The following RNF216 variants were observed in gnomAD, a reference collection of about 807,000 sequenced individuals.
RNF216 encodes E3 ubiquitin-protein ligase RNF216.
Under a neutral mutation model 110.8 loss-of-function variants are expected in RNF216, and 72 were observed. The ratio of observed to expected loss-of-function variants is 0.65; its 90% CI spans 0.54 to 0.79. The LOEUF (loss-of-function observed/expected upper bound fraction) is 0.79, where lower values mean the gene tolerates loss of function less well. RNF216 is among the 30% of genes least tolerant of loss of function. The pLI, the probability that RNF216 is intolerant of heterozygous loss-of-function variation, is 0.00. For missense variants in RNF216, 1,342 were observed against 1,141.2 expected (o/e 1.18, Z -2.54); for synonymous variants, 495 against 407.5 (o/e 1.21, Z -2.59).
intron 13 of RNF216, among the ~76,000 whole-genome samples, chr7:5,687,770 T>C (rs1193124875): frequency 2.0e-5 from 3 of 152,172 alleles, no homozygotes; most frequent in Non-Finnish European, 4.4e-5. Context: ...CCACTAGCAT[T>C]TCCAAGGACC....
At chr7:5,623,379 G>A (rs1786510791) in intron 16 of RNF216, among the ~76,000 whole-genome samples, 200 bp from the exon 17 acceptor site, 1 of 151,994 alleles carries the variant, frequency 6.6e-6, no homozygotes. Context: ...CTCCACAGTG[G>A]CACCTTGGAA....
chr7:5,754,423 A>G (rs1388209838), intron 2 of RNF216, among the ~76,000 whole-genome samples: 2 of 152,002 alleles, frequency 1.3e-5, no homozygotes, highest in East Asian at 3.9e-4. Flanking sequence ...CGGCCTCCCA[A>G]GAAGTCACTG....
At chr7:5,777,142 T>A (rs1796830864) in intron 1 of RNF216, among the ~76,000 whole-genome samples, 1 of 148,662 alleles carries the variant, frequency 6.7e-6, no homozygotes, top group Non-Finnish European at 1.5e-5. Context: ...CTTCCAGCAG[T>A]CTTTGACAAG....
At chr7:5,636,726 G>A (rs909663812) in intron 15 of RNF216, among the ~76,000 whole-genome samples, 3 of 152,204 alleles carry the variant, frequency 2.0e-5, no homozygotes, top group East Asian at 1.9e-4. Flanking sequence ...CAGAATCTCC[G>A]GCTGTGGCTA....
intron 16 of RNF216, among the ~76,000 whole-genome samples, chr7:5,623,465 CTTT>C (rs34566454): frequency 4.9e-5 from 7 of 142,170 alleles, no homozygotes; most frequent in African/African-American, 7.7e-5. Context: ...GACTCAGTTA[CTTT>C]TTTTTTTTTT....
chr7:5,646,121 T>C (rs986495315), intron 14 of RNF216, among the ~76,000 whole-genome samples: 4 of 152,204 alleles, frequency 2.6e-5, no homozygotes, highest in Admixed American at 6.5e-5. Flanking sequence ...TGTTGAAAAC[T>C]GGGTGTTTTG....
At chr7:5,735,317 T>C (rs1401097910) in intron 5 of RNF216, among the ~76,000 whole-genome samples, 1 of 151,920 alleles carries the variant, frequency 6.6e-6, no homozygotes, top group Non-Finnish European at 1.5e-5. Flanking sequence ...GAGTCAAATT[T>C]AGAAAATACA....
At chr7:5,653,550 G>C (rs1045869260) in intron 13 of RNF216, among the ~76,000 whole-genome samples, 2 of 130,516 alleles carry the variant, frequency 1.5e-5, no homozygotes, top group Non-Finnish European at 3.1e-5. Flanking sequence ...GCAGTGAGCC[G>C]AGATCGCGCC....
intron 16 of RNF216, 108 bp from the exon 17 acceptor site, chr7:5,623,287 T>C: frequency 2.1e-6 from 2 of 975,208 alleles, no homozygotes; most frequent in Non-Finnish European, 1.5e-6. Flanking sequence ...CTCCACATGC[T>C]GATCAAAGCA....
At chr7:5,736,768 T>A (rs2112007) in intron 5 of RNF216, among the ~76,000 whole-genome samples, 1 of 151,908 alleles carries the variant, frequency 6.6e-6, no homozygotes, top group Non-Finnish European at 1.5e-5. Flanking sequence ...TCTGCCAGGC[T>A]GCGACCCCAT....
At chr7:5,731,914 CATTG>C (rs975053496) in intron 5 of RNF216, among the ~76,000 whole-genome samples, 13 of 145,120 alleles carry the variant, frequency 9.0e-5, no homozygotes, top group Admixed American at 3.3e-4. Flanking sequence ...TGGAGAGGTT[CATTG>C]ATTCTGCAGC....
chr7:5,684,226 C>T (rs910503976), intron 13 of RNF216, among the ~76,000 whole-genome samples: 14 of 151,548 alleles, frequency 9.2e-5, no homozygotes, highest in African/African-American at 2.2e-4. Flanking sequence ...CCTCAGCCTC[C>T]GGAGTAGTTA....
chr7:5,665,037 A>C (rs983246702), intron 13 of RNF216, among the ~76,000 whole-genome samples: 11 of 152,072 alleles, frequency 7.2e-5, no homozygotes, highest in Admixed American at 7.2e-4. Context: ...ACCTCAGGTG[A>C]TCTGCCCGCC....
intron 15 of RNF216, among the ~76,000 whole-genome samples, chr7:5,633,743 G>A (rs888916220): frequency 1.3e-5 from 2 of 152,186 alleles, no homozygotes; most frequent in African/African-American, 2.4e-5. Context: ...ATGCAGGTAG[G>A]GTGGGTGGGA....
At position 5,622,789 on chromosome 7, in the gene RNF216, T is replaced by G; in HGVS notation, c.*71A>C. The G allele has an allele frequency of 1.4e-6, 2 of 1,427,570 alleles. No individual in the cohort carries two copies. The highest frequency in any genetic ancestry group is 1.9e-6 in the Non-Finnish European group (2 of 1,047,450). The allele number at this position is 1,427,570 out of a possible 1,614,324, so 88.4% of individuals were successfully genotyped here. A position where few individuals can be genotyped will look rare whatever the true frequency, so the allele number is the denominator to read the frequency against. ...GATGCAATGGTACAGACACCAGCCT[T>G]GGGGGAGGGTTCTCCATCCACACTC... On this transcript the variant is annotated 3_prime_UTR_variant, in exon 17 of 17. Transcript: ENST00000389902.
At chr7:5,688,453 AAAG>A (rs762250191) in intron 13 of RNF216, among the ~76,000 whole-genome samples, 49 of 152,362 alleles carry the variant, frequency 3.2e-4, no homozygotes, top group East Asian at 9.6e-4. Flanking sequence ...ACACTAGTGA[AAAG>A]AAGAACACAT....
At position 5,741,400 on chromosome 7, in the gene RNF216, G is replaced by T; in HGVS notation, c.617C>A (p.Thr206Lys). ...TQNQSSEDSE[T>K]ELLSNLGESA... ...CTCTCCTAGATTTGATAACAGCTCT[G>T]TCTCTGAGTCTTCGGATGACTGGTT... is the stretch of plus-strand genomic sequence containing the variant. The change falls in exon 4 of 17, where the codon ACA becomes AAA. Residue 206 changes from threonine (T) to lysine (K), a missense_variant. Physicochemically the swap from Thr to Lys is moderately conservative, Grantham distance 78. Transcript: ENST00000389902. 1 of 1,614,206 alleles carries T rather than the reference G, an allele frequency of 6.2e-7. No homozygotes were observed. Among genetic ancestry groups the T allele is most frequent in the Non-Finnish European group, 8.5e-7 (1 of 1,180,028 alleles).
At chr7:5,705,363 C>A (rs1209400284) in intron 13 of RNF216, among the ~76,000 whole-genome samples, 1 of 152,200 alleles carries the variant, frequency 6.6e-6, no homozygotes, top group Non-Finnish European at 1.5e-5. Flanking sequence ...ACCAGACACG[C>A]CTGTGAGACC....
chr7:5,737,110 A>C (rs892729068), intron 5 of RNF216, among the ~76,000 whole-genome samples: 2 of 152,228 alleles, frequency 1.3e-5, no homozygotes, highest in Non-Finnish European at 2.9e-5. Context: ...AAGATAGAGA[A>C]ATCAGATTGT....
Sources: allele counts gnomAD v4.1 joint callset (sites outside exome capture counted in the v4.1 genomes callset), GRCh38; gene constraint gnomAD v4.1.1; transcripts MANE v1.5; gene names NCBI Gene and HGNC (gene_info 2026-07-23, HGNC 2026-07-21).